Variants in SIN3A observed in about 807,000 individuals in gnomAD.
SIN3A encodes SIN3 transcription regulator family member A.
In SIN3A, 14 loss-of-function variants were observed where a neutral mutation model predicts 146.1. That is an observed-to-expected ratio of 0.10 (90% CI 0.06 to 0.15). SIN3A has a LOEUF of 0.15. SIN3A is among the 10% of genes least tolerant of loss of function. The pLI is 1.00. For synonymous variants in SIN3A, 572 were observed against 572.0 expected (o/e 1.00, Z 0.00); for missense variants, 1,028 against 1,576.0 (o/e 0.65, Z 5.89).
intron 3 of SIN3A, chr15:75,419,389 A>G (rs2073801515): frequency 6.6e-6 from 1 of 152,222 alleles, no homozygotes; most frequent in African/African-American, 2.4e-5. Context: ...TCAATAAGAC[A>G]TGGTATGGTA....
intron 20 of SIN3A, among the ~76,000 whole-genome samples, chr15:75,373,340 T>C (rs1207511570): frequency 2.0e-5 from 3 of 152,144 alleles, no homozygotes; most frequent in Non-Finnish European, 4.4e-5. Context: ...ATCATGCCAC[T>C]GCGCTTCCCT....
chr15:75,410,577 C>T (rs2073615036), intron 6 of SIN3A, among the ~76,000 whole-genome samples: 1 of 151,712 alleles, frequency 6.6e-6, no homozygotes, highest in East Asian at 2.0e-4. Flanking sequence ...ACTGGGATTA[C>T]AGGCGTGAGA....
chr15:75,423,468 G>C (rs1361934191), intron 2 of SIN3A, among the ~76,000 whole-genome samples: 1 of 152,014 alleles, frequency 6.6e-6, no homozygotes, highest in African/African-American at 2.4e-5. Context: ...CACGAGGTCA[G>C]GAGATCGAGA....
chr15:75,443,317 A>G (rs896283888), intron 1 of SIN3A, among the ~76,000 whole-genome samples: 1 of 152,204 alleles, frequency 6.6e-6, no homozygotes, highest in Non-Finnish European at 1.5e-5. Flanking sequence ...AAAGTTGAAA[A>G]ATAGTATAAA....
intron 14 of SIN3A, among the ~76,000 whole-genome samples, chr15:75,393,468 C>T (rs1280346687): frequency 1.3e-5 from 2 of 152,026 alleles, no homozygotes; most frequent in African/African-American, 2.4e-5. Flanking sequence ...CCTCCGTCTC[C>T]CGGGTTCAAG....
At position 75,410,067 on chromosome 15, in the gene SIN3A, A is replaced by C. The variant is rs2073602139; in HGVS notation, c.1161+67T>G. ...ATCATCTAGGAAAAGTCCCCTTCTG[A>C]GCACAGTTTTCCAACTCATCTAAGA... On this transcript the variant is annotated intron_variant, in intron 7 of 20. Coordinates refer to ENST00000394947, the MANE Select transcript of SIN3A (RefSeq NM_001145358.2). 8.7e-6 allele frequency: 14 copies of C among 1,604,310 alleles called. No homozygotes were observed. In the South Asian group the frequency reaches 1.5e-4, roughly 18 times the overall value.
At chr15:75,450,597 T>G (rs998135881) in intron 1 of SIN3A, among the ~76,000 whole-genome samples, 2 of 152,054 alleles carry the variant, frequency 1.3e-5, no homozygotes, top group African/African-American at 4.8e-5. Flanking sequence ...GTGACCATGC[T>G]CCCACTCTCC....
chr15:75,442,120 CAAAAAAAAAAAAAAAAAAAAAA>C (rs57418865), intron 1 of SIN3A, among the ~76,000 whole-genome samples: 1 of 29,278 alleles, frequency 3.4e-5, no homozygotes, highest in African/African-American at 1.6e-4. Context: ...GACTCTGTCT[CAAAAAAAAAAAAAAAAAAAAAA>C]AAAAAAAAAA....
chr15:75,400,195 A>G, intron 11 of SIN3A, 39 bp from the exon 12 acceptor site: 1 of 1,175,886 alleles, frequency 8.5e-7, no homozygotes. Flanking sequence ...AAAAGCCTAA[A>G]AAAGCTTTCT....
intron 19 of SIN3A, among the ~76,000 whole-genome samples, chr15:75,378,228 A>T (rs2072900835): frequency 1.3e-5 from 2 of 152,234 alleles, no homozygotes; most frequent in East Asian, 3.8e-4. Flanking sequence ...CTGCATGAAA[A>T]GCCCACTGAT....
chr15:75,450,567 C>T (rs1215444038), intron 1 of SIN3A, among the ~76,000 whole-genome samples: 16 of 152,224 alleles, frequency 1.1e-4, no homozygotes. Context: ...CCAATAGTTA[C>T]AACCAAGAGG....
chr15:75,404,140 T>C (rs760989241), intron 9 of SIN3A, among the ~76,000 whole-genome samples: 3 of 152,222 alleles, frequency 2.0e-5, no homozygotes, highest in Non-Finnish European at 4.4e-5. Context: ...AAGTGGCTTA[T>C]CAGCAACCCC....
intron 1 of SIN3A, among the ~76,000 whole-genome samples, chr15:75,436,127 C>T (rs1485424392): frequency 2.8e-5 from 4 of 142,158 alleles, no homozygotes; most frequent in Middle Eastern, 3.6e-3. Flanking sequence ...GAGTGAGACT[C>T]TGTCTCAAAA....
At chr15:75,397,217 T>A (rs902251708) in intron 12 of SIN3A, among the ~76,000 whole-genome samples, 8 of 152,208 alleles carry the variant, frequency 5.3e-5, no homozygotes, top group African/African-American at 1.9e-4. Flanking sequence ...CTCAACGGTC[T>A]ACAACCAACT....
At chr15:75,452,134 T>G (rs576226286), upstream of SIN3A, among the ~76,000 whole-genome samples, 1 of 152,276 alleles carries the variant, frequency 6.6e-6, no homozygotes, top group Admixed American at 6.5e-5. Context: ...TGGGGTAAAA[T>G]GTCTGTAAGT....
At chr15:75,434,039 G>A (rs542023754) in intron 1 of SIN3A, among the ~76,000 whole-genome samples, 35 of 152,318 alleles carry the variant, frequency 2.3e-4, no homozygotes, top group Admixed American at 6.5e-4. Context: ...AGGCAAAGCT[G>A]TGATATAAAT....
At chr15:75,417,225 G>T (rs2073756166) in intron 3 of SIN3A, among the ~76,000 whole-genome samples, 1 of 152,096 alleles carries the variant, frequency 6.6e-6, no homozygotes, top group Non-Finnish European at 1.5e-5. Context: ...ACACCCAAAA[G>T]AAATCCCCAC....
chr15:75,410,048 T>C, intron 7 of SIN3A, 57 bp from the exon 8 acceptor site: 4 of 1,606,410 alleles, frequency 2.5e-6, no homozygotes, highest in South Asian at 2.2e-5. Flanking sequence ...AAATATCATC[T>C]AGGAAAAGTC....
Position 75,392,427 on chromosome 15 carries a change from T to C in SIN3A, c.2666A>G (p.Asn889Ser), listed in dbSNP as rs766675575. 3 of 1,614,236 alleles carry C rather than the reference T, an allele frequency of 1.9e-6. No individual in the cohort carries two copies. The highest frequency in any genetic ancestry group is 1.1e-5 in the South Asian group (1 of 91,086). The change falls in exon 15 of 21, where the codon AAC (asparagine) becomes AGC (serine). Residue 889 changes from asparagine to serine, a missense_variant. Transcript: ENST00000394947. ...TCGCATAAAAATATACCAGTTGTTG[T>C]TGACATAGAAGAGGTTGTATACTTC... ...MDEVYNLFYV[N>S]NNWYIFMRLH...
Sources: allele counts gnomAD v4.1 joint callset (sites outside exome capture counted in the v4.1 genomes callset), GRCh38; gene constraint gnomAD v4.1.1; transcripts MANE v1.5; gene names NCBI Gene and HGNC (gene_info 2026-07-23, HGNC 2026-07-21).